OPCML: variants seen among roughly 807,000 people sequenced by gnomAD.
The protein encoded by OPCML is opioid-binding protein/cell adhesion molecule.
OPCML carries 13 observed loss-of-function variants against 37.8 expected under a neutral mutation model. The ratio of observed to expected loss-of-function variants is 0.34; its 90% CI spans 0.22 to 0.55. The LOEUF is 0.55. Among genes scored for constraint, OPCML ranks in the 20% least tolerant of loss-of-function variants. The pLI is 0.91. For synonymous variants in OPCML, 176 were observed against 168.8 expected, an observed-to-expected ratio of 1.04 and a Z score of -0.33; for missense variants, 341 against 435.6, an observed-to-expected ratio of 0.78 and a Z score of 1.93.
chr11:133,269,353 G>T (rs548444541), intron 1 of OPCML, among the ~76,000 whole-genome samples: 2 of 152,164 alleles, frequency 1.3e-5, no homozygotes, highest in Non-Finnish European at 2.9e-5. Context: ...TGACTGAACA[G>T]GGAGAAGGGA....
At chr11:133,410,715 C>A (rs1029712217) in intron 1 of OPCML, among the ~76,000 whole-genome samples, 2 of 119,418 alleles carry the variant, frequency 1.7e-5, no homozygotes, top group Non-Finnish European at 3.3e-5. Context: ...TGCTGGGAGA[C>A]AAAGCAAGCA....
At chr11:132,922,383 T>C (rs76558083) in intron 2 of OPCML, among the ~76,000 whole-genome samples, 1 of 151,968 alleles carries the variant, frequency 6.6e-6, no homozygotes, top group Non-Finnish European at 1.5e-5. Context: ...GGAGACTCGC[T>C]TGAACGAGAA....
intron 1 of OPCML, among the ~76,000 whole-genome samples, chr11:133,487,020 G>A (rs1453560768): frequency 1.3e-5 from 2 of 151,812 alleles, no homozygotes; most frequent in Non-Finnish European, 2.9e-5. Context: ...CCATATTCCA[G>A]AGCCCCCATC....
At chr11:132,752,292 G>A (rs1945863539) in intron 2 of OPCML, among the ~76,000 whole-genome samples, 1 of 151,766 alleles carries the variant, frequency 6.6e-6, no homozygotes, top group Non-Finnish European at 1.5e-5. Flanking sequence ...GAGAGAGAGA[G>A]AAGCAAAACA....
intron 1 of OPCML, among the ~76,000 whole-genome samples, chr11:133,389,234 C>T (rs1437935224): frequency 6.6e-6 from 1 of 152,188 alleles, no homozygotes; most frequent in African/African-American, 2.4e-5. Context: ...CTAAATCTTT[C>T]GTTCTTAAAA....
chr11:133,071,341 G>A (rs185866282), intron 1 of OPCML, among the ~76,000 whole-genome samples: 13 of 152,308 alleles, frequency 8.5e-5, no homozygotes, highest in African/African-American at 3.1e-4. Flanking sequence ...TGGGTGTGTG[G>A]TGGGGGTGAT....
intron 1 of OPCML, among the ~76,000 whole-genome samples, chr11:133,038,841 C>T (rs1402780076): frequency 6.6e-6 from 1 of 150,928 alleles, no homozygotes; most frequent in Admixed American, 6.6e-5. Flanking sequence ...AAAAAAAAAC[C>T]CTGCTGCCAT....
intron 1 of OPCML, among the ~76,000 whole-genome samples, chr11:132,981,318 G>T (rs546027539): frequency 6.6e-6 from 1 of 152,266 alleles, no homozygotes; most frequent in Non-Finnish European, 1.5e-5. Flanking sequence ...ATAAGGCCAC[G>T]TGGTGGTTAG....
intron 1 of OPCML, among the ~76,000 whole-genome samples, chr11:133,197,809 C>A (rs1162227261): frequency 2.0e-5 from 3 of 152,160 alleles, no homozygotes; most frequent in Non-Finnish European, 4.4e-5. Context: ...ATGGAACAAG[C>A]GTGATCCGAG....
At chr11:132,562,381 G>C (rs570439096) in intron 3 of OPCML, among the ~76,000 whole-genome samples, 2 of 152,016 alleles carry the variant, frequency 1.3e-5, no homozygotes, top group Admixed American at 1.3e-4. Flanking sequence ...CAGAGGAGTC[G>C]TTTGTTGGCA....
chr11:133,190,284 A>G (rs934949939), intron 1 of OPCML, among the ~76,000 whole-genome samples: 2 of 152,214 alleles, frequency 1.3e-5, no homozygotes, highest in African/African-American at 4.8e-5. Context: ...TGCAAGTATA[A>G]TTGTAGCCTT....
intron 4 of OPCML, among the ~76,000 whole-genome samples, chr11:132,508,497 C>T (rs2508979): frequency 0.26 from 27,661 of 107,760 alleles, 3,363 homozygotes; most frequent in East Asian, 0.67. Flanking sequence ...GATCTAGTCA[C>T]ACACACACAC....
At chr11:133,036,595 A>G (rs1032456735) in intron 1 of OPCML, among the ~76,000 whole-genome samples, 2 of 152,222 alleles carry the variant, frequency 1.3e-5, no homozygotes, top group African/African-American at 4.8e-5. Flanking sequence ...TGTATTATAC[A>G]ATGACCTGGT....
rs1939397475 is a variant in OPCML, at chr11:133,212,329, C to A, written c.62-269319G>T. On this transcript the variant is annotated intron_variant, in intron 1 of 7. Transcript: ENST00000524381. The surrounding 1 kb of genome is among the most constrained non-coding windows in gnomAD (Gnocchi z 4.9). ...CCCTGCTTCCCATTTCCTCTCAGATCTCATCTCCTGCCACTCTCCCACTGC... is the reference window on the plus strand; with the variant it reads ...CCCTGCTTCCCATTTCCTCTCAGATATCATCTCCTGCCACTCTCCCACTGC... Among the ~76,000 whole-genome samples, 1 of 152,168 alleles carries A rather than the reference C, an allele frequency of 6.6e-6. No homozygotes were observed. The highest frequency in any genetic ancestry group is 2.1e-4 in the South Asian group (1 of 4,824).
intron 1 of OPCML, among the ~76,000 whole-genome samples, chr11:132,964,180 A>G (rs186957163): frequency 2.4e-4 from 36 of 152,360 alleles, no homozygotes; most frequent in Non-Finnish European, 4.4e-4. Context: ...GAAGAAGGAT[A>G]TATAAGTAAA....
At chr11:133,479,921 C>T (rs1947337375) in intron 1 of OPCML, among the ~76,000 whole-genome samples, 1 of 152,330 alleles carries the variant, frequency 6.6e-6, no homozygotes, top group Middle Eastern at 3.4e-3. Flanking sequence ...GCTTGCCTTG[C>T]TAATACCACC....
chr11:133,329,264 T>C (rs1301482314), intron 1 of OPCML, among the ~76,000 whole-genome samples: 3 of 152,146 alleles, frequency 2.0e-5, no homozygotes, highest in Non-Finnish European at 4.4e-5. Flanking sequence ...CTGCCCAAGG[T>C]AATTTATAGA....
intron 4 of OPCML, among the ~76,000 whole-genome samples, chr11:132,486,659 C>A (rs944107394): frequency 4.0e-5 from 6 of 151,724 alleles, no homozygotes; most frequent in African/African-American, 1.2e-4. Flanking sequence ...TCCTTTCTTT[C>A]TTTTCTTTTT....
intron 1 of OPCML, among the ~76,000 whole-genome samples, chr11:133,517,008 C>T (rs540414854): frequency 6.6e-6 from 1 of 152,252 alleles, no homozygotes; most frequent in South Asian, 2.1e-4. Flanking sequence ...AGGACACATC[C>T]CCACGCGAAG....
Sources: gnomAD v4.1 joint callset for allele counts (sites outside exome capture counted in the v4.1 genomes callset) on GRCh38, gnomAD v4.1.1 for gene constraint, Gnocchi (gnomAD v3.1) non-coding constraint, MANE v1.5 for transcripts, NCBI Gene and HGNC (gene_info 2026-07-23, HGNC 2026-07-21) for gene names.